Variants in GPR158 observed in about 807,000 individuals in gnomAD.
The protein encoded by GPR158 is metabotropic glycine receptor.
In GPR158, 30 loss-of-function variants were observed where a neutral mutation model predicts 78.2. The observed-to-expected ratio is 0.38, with a 90% CI of 0.29 to 0.52. The LOEUF (loss-of-function observed/expected upper bound fraction) is 0.52. GPR158 is among the 20% of genes least tolerant of loss of function. The pLI is 0.83. For missense variants in GPR158, 1,463 were observed against 1,523.5 expected, an observed-to-expected ratio of 0.96 and a Z score of 0.66; for synonymous variants, 581 against 591.1, an observed-to-expected ratio of 0.98 and a Z score of 0.25.
intron 2 of GPR158, among the ~76,000 whole-genome samples, chr10:25,223,701 T>C (rs1344930605): frequency 6.6e-6 from 1 of 152,188 alleles, no homozygotes; most frequent in Admixed American, 6.5e-5. Context: ...CAAGGATCGC[T>C]GTGTAAACTG....
At chr10:25,306,250 G>T (rs1265443669) in intron 2 of GPR158, among the ~76,000 whole-genome samples, 1 of 152,060 alleles carries the variant, frequency 6.6e-6, no homozygotes, top group South Asian at 2.1e-4. Flanking sequence ...TTTATCTCTT[G>T]ATTGGCTTTT....
intron 2 of GPR158, among the ~76,000 whole-genome samples, chr10:25,284,307 G>C (rs1479986425): frequency 6.6e-6 from 1 of 151,876 alleles, no homozygotes; most frequent in African/African-American, 2.4e-5. Context: ...TCTGGTGTTA[G>C]TTGCATGTAT....
At chr10:25,336,278 A>C (rs1243418037) in intron 2 of GPR158, among the ~76,000 whole-genome samples, 5 of 152,098 alleles carry the variant, frequency 3.3e-5, no homozygotes, top group African/African-American at 1.2e-4. Context: ...CTTGCAAGAT[A>C]CATAATAGAA....
At chr10:25,525,983 G>T (rs1836341767) in intron 5 of GPR158, among the ~76,000 whole-genome samples, 1 of 151,718 alleles carries the variant, frequency 6.6e-6, no homozygotes, top group Non-Finnish European at 1.5e-5. Flanking sequence ...GCATGTGCTT[G>T]TAAACCTAGC....
intron 2 of GPR158, 120 bp from the exon 3 acceptor site, chr10:25,395,791 A>G (rs1430630577): frequency 1.9e-5 from 10 of 518,370 alleles, no homozygotes; most frequent in Non-Finnish European, 3.5e-5. Flanking sequence ...AAAAAGAGCT[A>G]TTTTATTTCT....
At chr10:25,251,717 C>T (rs1853803081) in intron 2 of GPR158, among the ~76,000 whole-genome samples, 1 of 151,498 alleles carries the variant, frequency 6.6e-6, no homozygotes, top group South Asian at 2.1e-4. Context: ...TTGAGGGTAA[C>T]CCGACCTTTC....
chr10:25,180,222 G>A (rs898754254), intron 1 of GPR158, among the ~76,000 whole-genome samples: 3 of 152,152 alleles, frequency 2.0e-5, no homozygotes, highest in Non-Finnish European at 4.4e-5. Context: ...TTTGTGGTGG[G>A]TGGGAATTAA....
intron 2 of GPR158, among the ~76,000 whole-genome samples, chr10:25,303,088 G>T (rs1399575017): frequency 6.6e-6 from 1 of 152,160 alleles, no homozygotes; most frequent in Non-Finnish European, 1.5e-5. Context: ...ATTCTTACTT[G>T]GTAAATGCTG....
intron 2 of GPR158, among the ~76,000 whole-genome samples, chr10:25,368,069 C>A (rs973981935): frequency 2.0e-5 from 3 of 151,882 alleles, no homozygotes; most frequent in African/African-American, 7.2e-5. Context: ...TGAAGTTCAT[C>A]TTTTAAGCTG....
intron 2 of GPR158, among the ~76,000 whole-genome samples, chr10:25,238,107 G>A (rs752384721): frequency 5.5e-5 from 8 of 146,308 alleles, no homozygotes; most frequent in African/African-American, 1.6e-4. Context: ...TCGCTACTTC[G>A]CAGAAGGAAA....
chr10:25,261,961 A>T (rs371868591), intron 2 of GPR158, among the ~76,000 whole-genome samples: 5 of 152,238 alleles, frequency 3.3e-5, no homozygotes, highest in Admixed American at 1.3e-4. Context: ...AGAGCATCTG[A>T]AAATACATGA....
intron 5 of GPR158, among the ~76,000 whole-genome samples, chr10:25,498,716 C>T (rs1835916285): frequency 6.6e-6 from 1 of 152,126 alleles, no homozygotes; most frequent in Admixed American, 6.5e-5. Context: ...ACTAATAATC[C>T]TCCCACTGTC....
At chr10:25,595,365 TAC>T (rs1377850125) in intron 9 of GPR158, among the ~76,000 whole-genome samples, 19 of 152,354 alleles carry the variant, frequency 1.2e-4, no homozygotes, top group African/African-American at 4.1e-4. Flanking sequence ...ATAATATGAT[TAC>T]ACTTTTATTA....
At chr10:25,518,049 C>A in intron 5 of GPR158, among the ~76,000 whole-genome samples, 1 of 96,544 alleles carries the variant, frequency 1.0e-5, no homozygotes, top group Non-Finnish European at 2.0e-5. Context: ...ACAATTTCAG[C>A]TCCTGTTATT....
At position 25,597,997 on chromosome 10, in the gene GPR158, A is replaced by C; in HGVS notation, c.2371A>C (p.Asn791His). The C allele has an allele frequency of 6.2e-7, 1 of 1,614,134 alleles. No individual in the cohort carries two copies. Among genetic ancestry groups the C allele is most frequent in the Non-Finnish European group, 8.5e-7 (1 of 1,180,020 alleles). The change falls in exon 11 of 11, where the codon AAC becomes CAC. Residue 791 changes from asparagine (N) to histidine (H), a missense_variant. Asn to His is a moderately conservative substitution (Grantham distance 68). Coordinates refer to ENST00000376351, the MANE Select transcript of GPR158 (RefSeq NM_020752.3). ...TAKGTALIRK[N>H]PPESSGNTGK... ...CAAAGGCACTGCCCTCATCAGGAAG[A>C]ACCCCCCAGAGTCTTCAGGGAACAC... is the stretch of plus-strand genomic sequence containing the variant.
chr10:25,341,902 T>C (rs1257786089), intron 2 of GPR158, among the ~76,000 whole-genome samples: 1 of 151,902 alleles, frequency 6.6e-6, no homozygotes, highest in African/African-American at 2.4e-5. Context: ...GGACTCACTT[T>C]CTGGTCCCAC....
At chr10:25,189,508 C>A (rs1281872620) in intron 1 of GPR158, among the ~76,000 whole-genome samples, 3 of 152,084 alleles carry the variant, frequency 2.0e-5, no homozygotes, top group East Asian at 3.9e-4. Context: ...AAGCTGGAAA[C>A]CGTCATTCTC....
chr10:25,265,188 C>G (rs760124790), intron 2 of GPR158, among the ~76,000 whole-genome samples: 24 of 152,158 alleles, frequency 1.6e-4, no homozygotes, highest in Non-Finnish European at 2.9e-5. Context: ...CACATTTTAA[C>G]TCCTTTACTT....
intron 2 of GPR158, among the ~76,000 whole-genome samples, chr10:25,394,832 C>T (rs1365422692): frequency 6.6e-6 from 1 of 151,866 alleles, no homozygotes; most frequent in Non-Finnish European, 1.5e-5. Flanking sequence ...TAATATTGAT[C>T]CTAATGCTAA....
Sources: gnomAD v4.1 joint callset for allele counts (sites outside exome capture counted in the v4.1 genomes callset) on GRCh38, gnomAD v4.1.1 for gene constraint, MANE v1.5 for transcripts, NCBI Gene and HGNC (gene_info 2026-07-23, HGNC 2026-07-21) for gene names.